LINS1: variants seen among roughly 807,000 people sequenced by gnomAD.
LINS1 encodes the protein lines homolog 1, also known as protein Lines homolog 1.
Under a neutral mutation model 41.6 loss-of-function variants are expected in LINS1, and 27 were observed. The observed-to-expected ratio is 0.65, with a 90% CI of 0.48 to 0.89. LINS1 has a LOEUF of 0.89. Among genes scored for constraint, LINS1 ranks in the 40% least tolerant of loss-of-function variants. The probability of loss-of-function intolerance (pLI) is 0.00; values close to 1 mark genes in which losing one functional copy is unlikely to be tolerated. For synonymous variants in LINS1, 336 were observed against 312.9 expected (o/e 1.07, Z -0.78); for missense variants, 955 against 884.1 (o/e 1.08, Z -1.02).
intron 5 of LINS1, chr15:100,572,980 G>A (rs2037919884): frequency 3.9e-6 from 1 of 259,584 alleles, no homozygotes; most frequent in Non-Finnish European, 6.1e-6. Context: ...CAGTGAGCCT[G>A]GGAGACAGAG....
At chr15:100,578,219 C>G (rs2038306817) in intron 3 of LINS1, among the ~76,000 whole-genome samples, 1 of 151,804 alleles carries the variant, frequency 6.6e-6, no homozygotes, top group African/African-American at 2.4e-5. Flanking sequence ...AAAGAAACTA[C>G]CATCAGAGTG....
At chr15:100,572,630 T>C (rs1008564043) in intron 5 of LINS1, 8 of 984,458 alleles carry the variant, frequency 8.1e-6, no homozygotes, top group South Asian at 9.1e-5. Context: ...TTATAACTAA[T>C]GTGTAGTTAT....
intron 3 of LINS1, chr15:100,576,611 A>T (rs8033231): frequency 0.39 from 59,225 of 152,242 alleles, 12,163 homozygotes; most frequent in Non-Finnish European, 0.47. Context: ...AAGAGCTGGT[A>T]CCATTCCTTC....
intron 1 of LINS1, among the ~76,000 whole-genome samples, chr15:100,595,803 G>T (rs1374546401): frequency 5.9e-5 from 9 of 152,288 alleles, no homozygotes; most frequent in Admixed American, 2.0e-4. Context: ...CAGCCCAAGA[G>T]GCTACTTAAT....
At chr15:100,577,915 A>G (rs976327265) in intron 3 of LINS1, among the ~76,000 whole-genome samples, 2 of 152,192 alleles carry the variant, frequency 1.3e-5, no homozygotes, top group Non-Finnish European at 2.9e-5. Flanking sequence ...CAAAAACAAG[A>G]AATGGGGAAA....
intron 6 of LINS1, 112 bp downstream of exon 6, chr15:100,571,782 G>A: frequency 8.0e-7 from 1 of 1,253,908 alleles, no homozygotes; most frequent in Non-Finnish European, 1.1e-6. Flanking sequence ...ACTGCAACAG[G>A]ATGTTTTCCC....
rs34967129 is a variant in LINS1, at chr15:100,573,881, G to A, written c.992C>T (p.Ala331Val). 6,472 of 1,614,152 alleles carry A rather than the reference G, an allele frequency of 4.0e-3. 224 individuals are homozygous for A. The African/African-American group carries it at 0.074, about 18-fold the overall frequency. ...PALMPPDHHV[A>V]VDMLALANAV... ...ATTAGCTAAAGCCAGCATGTCCACC[G>A]CTACATGATGGTCTGGCGGCATTAA... Residue 331 changes from alanine to valine, a missense_variant, in exon 5 of 7, where the codon GCG (alanine) becomes GTG (valine). Coordinates refer to ENST00000314742, the MANE Select transcript of LINS1 (RefSeq NM_001040616.3).
rs1310235303 is a variant in LINS1 at position 100,579,486 on chromosome 15, T to G, written c.489+777A>C. Among the ~76,000 whole-genome samples, 6 of 151,050 alleles carry G rather than the reference T, an allele frequency of 4.0e-5. No individual in the cohort carries two copies. The East Asian group carries it at 7.8e-4, about 20-fold the overall frequency. On this transcript the variant is annotated intron_variant, in intron 3 of 6. Coordinates refer to ENST00000314742, the MANE Select transcript of LINS1 (RefSeq NM_001040616.3). ...GACAGTAAAGAAAAAAAAAAGAAAATAAAAATGAAAGATGAAAATGTTAGC... is the reference window on the plus strand; with the variant it reads ...GACAGTAAAGAAAAAAAAAAGAAAAGAAAAATGAAAGATGAAAATGTTAGC...
At chr15:100,576,415 G>GA (rs1284489931) in intron 3 of LINS1, among the ~76,000 whole-genome samples, 2 of 152,190 alleles carry the variant, frequency 1.3e-5, no homozygotes, top group African/African-American at 4.8e-5. Flanking sequence ...AAATAAAGTA[G>GA]AAAATCTAGA....
At chr15:100,572,855 T>G in intron 5 of LINS1, 1 of 784,826 alleles carries the variant, frequency 1.3e-6, no homozygotes, top group Non-Finnish European at 1.6e-6. Flanking sequence ...TTTAATTCAA[T>G]ATCTAATTTT....
chr15:100,574,883 T>A, intron 4 of LINS1, 104 bp downstream of exon 4: 1 of 1,226,048 alleles, frequency 8.2e-7, no homozygotes, highest in Non-Finnish European at 1.2e-6. Context: ...TTTTCATTAC[T>A]TTAAGACAGA....
Position 100,574,361 on chromosome 15 carries a change from T to G in LINS1, c.632-120A>C, listed in dbSNP as rs138963745. On this transcript the variant is annotated intron_variant, in intron 4 of 6. Transcript: ENST00000314742. ...AAAAAACAGATTTGGAATGTTTACC[T>G]CTAACATTAACAAATGAGGTTACAC... 1.5e-4 allele frequency: 110 copies of G among 713,088 alleles called. No homozygotes were observed. The African/African-American group carries it at 1.7e-3, about 11-fold the overall frequency. The allele number at this position is 713,088 out of a possible 1,614,324, so 44.2% of individuals were successfully genotyped here. A position where few individuals can be genotyped will look rare whatever the true frequency, so the allele number is the denominator to read the frequency against.
At chr15:100,578,969 G>C (rs1368386813) in intron 3 of LINS1, among the ~76,000 whole-genome samples, 2 of 151,338 alleles carry the variant, frequency 1.3e-5, no homozygotes, top group Non-Finnish European at 2.9e-5. Flanking sequence ...GGTGGGAACT[G>C]AACAATGACA....
chr15:100,592,011 T>C (rs1243675202), intron 1 of LINS1, among the ~76,000 whole-genome samples: 2 of 152,184 alleles, frequency 1.3e-5, no homozygotes, highest in Non-Finnish European at 2.9e-5. Flanking sequence ...ATGGAAACAC[T>C]TCATCTATGA....
At chr15:100,591,551 T>C (rs1419910954) in intron 1 of LINS1, among the ~76,000 whole-genome samples, 1 of 152,022 alleles carries the variant, frequency 6.6e-6, no homozygotes, top group Non-Finnish European at 1.5e-5. Flanking sequence ...CAAAATGGAG[T>C]TGCTTGCATT....
intron 1 of LINS1, among the ~76,000 whole-genome samples, chr15:100,597,501 C>T (rs937962346): frequency 8.5e-5 from 13 of 152,210 alleles, no homozygotes; most frequent in Non-Finnish European, 5.9e-5. Context: ...AGAACCACTG[C>T]ACAATCTACT....
chr15:100,568,749 T>C lies in LINS1; in HGVS notation c.*489A>G, dbSNP rs1105657. On this transcript the variant is annotated 3_prime_UTR_variant, in exon 7 of 7. Transcript: ENST00000314742. ...ACTGCCATAAATCTCCAGTGGTATATAGCTATAATGAGTGACTTGTCACTT... is the reference window on the plus strand; with the variant it reads ...ACTGCCATAAATCTCCAGTGGTATACAGCTATAATGAGTGACTTGTCACTT... 5,761 of 163,648 alleles carry C rather than the reference T, an allele frequency of 0.035. 331 individuals are homozygous for C. Among genetic ancestry groups the C allele is most frequent in the African/African-American group, 0.13 (5,410 of 41,582 alleles). 10.1% of individuals were successfully genotyped at this position (163,648 alleles called of 1,614,324 possible). A position where few individuals can be genotyped will look rare whatever the true frequency, so the allele number is the denominator to read the frequency against.
chr15:100,593,880 T>C (rs908549273), intron 1 of LINS1, among the ~76,000 whole-genome samples: 1 of 152,210 alleles, frequency 6.6e-6, no homozygotes, highest in Non-Finnish European at 1.5e-5. Context: ...TACTATGCAA[T>C]TTCCCAATAT....
intron 2 of LINS1, 25 bp downstream of exon 2, chr15:100,580,419 A>G (rs1194479143): frequency 6.2e-7 from 1 of 1,610,074 alleles, no homozygotes; most frequent in South Asian, 1.1e-5. Context: ...AAATATCTAC[A>G]TCTTTAGAAA....
Sources: allele counts gnomAD v4.1 joint callset (sites outside exome capture counted in the v4.1 genomes callset), GRCh38; gene constraint gnomAD v4.1.1; transcripts MANE v1.5; gene names NCBI Gene and HGNC (gene_info 2026-07-23, HGNC 2026-07-21).